Variants in PAX3 observed in about 807,000 individuals in gnomAD.
PAX3 encodes the protein paired box 3, also known as paired box protein Pax-3.
A neutral mutation model predicts 51.6 loss-of-function variants in PAX3; 14 were observed. That is an observed-to-expected ratio of 0.27 (90% CI 0.18 to 0.42). PAX3 has a LOEUF of 0.42. Among genes scored for constraint, PAX3 ranks in the 10% least tolerant of loss-of-function variants. PAX3 has a pLI of 1.00. For synonymous variants in PAX3, 280 were observed against 253.4 expected (o/e 1.11, Z -1.00); for missense variants, 540 against 642.8 (o/e 0.84, Z 1.73).
chr2:222,209,087 ATATATAC>A (rs1691619255), intron 7 of PAX3, among the ~76,000 whole-genome samples: 1 of 152,148 alleles, frequency 6.6e-6, no homozygotes, highest in South Asian at 2.1e-4. Flanking sequence ...ATGTTGGTCT[ATATATAC>A]TATATTCCCA....
intron 4 of PAX3, among the ~76,000 whole-genome samples, chr2:222,280,619 G>A (rs776384032): frequency 1.3e-5 from 2 of 152,108 alleles, no homozygotes; most frequent in African/African-American, 2.4e-5. Context: ...AAGATGAGAT[G>A]GTCATCCCAC....
intron 7 of PAX3, among the ~76,000 whole-genome samples, chr2:222,216,078 T>C (rs563348831): frequency 7.2e-5 from 11 of 152,250 alleles, no homozygotes; most frequent in African/African-American, 2.6e-4. Context: ...AGCCCACCAT[T>C]TGTGAAGCCA....
chr2:222,291,970 GTGTGTGT>G (rs1559314398), intron 4 of PAX3, among the ~76,000 whole-genome samples: 44 of 7,652 alleles, frequency 5.8e-3, no homozygotes, highest in African/African-American at 0.02. Context: ...AGCCTCCAAG[GTGTGTGT>G]GTGTGTGTGT....
At chr2:222,201,735 T>C in intron 8 of PAX3, 1 of 1,462,252 alleles carries the variant, frequency 6.8e-7, no homozygotes, top group South Asian at 1.5e-5. Context: ...TCTCAACAAT[T>C]AATAACCGCA....
At chr2:222,272,319 T>C (rs896633518) in intron 4 of PAX3, among the ~76,000 whole-genome samples, 2 of 152,160 alleles carry the variant, frequency 1.3e-5, no homozygotes, top group African/African-American at 2.4e-5. Flanking sequence ...TTCCCAAGCA[T>C]GGAGTAAGTG....
intron 4 of PAX3, among the ~76,000 whole-genome samples, chr2:222,250,944 T>C (rs1422220837): frequency 6.6e-6 from 1 of 152,132 alleles, no homozygotes; most frequent in Admixed American, 6.6e-5. Flanking sequence ...CCACTGCTCC[T>C]GGATTATAAA....
At chr2:222,255,655 T>C (rs573607309) in intron 4 of PAX3, among the ~76,000 whole-genome samples, 52 of 152,248 alleles carry the variant, frequency 3.4e-4, no homozygotes, top group Admixed American at 6.5e-4. Context: ...AGTACTGACC[T>C]ACCTAGATTT....
intron 4 of PAX3, among the ~76,000 whole-genome samples, chr2:222,254,060 A>G (rs956047906): frequency 6.6e-6 from 1 of 152,236 alleles, no homozygotes; most frequent in South Asian, 2.1e-4. Context: ...GCGCACATAA[A>G]AAGCTGAGCA....
rs781089913 is a variant in PAX3, at chr2:222,297,092, G to A, written c.207C>T (p.Pro69=). The A allele has an allele frequency of 6.2e-6, 10 of 1,614,008 alleles. No homozygotes were observed. In the Admixed American group the frequency reaches 1.5e-4, roughly 24 times the overall value. ...IVEMAHHGIR[P]CVISRQLRVS... ...CGCGCAGCTGGCGCGAGATGACGCAGGGCCGGATGCCGTGGTGGGCCATCT... is the reference window on the plus strand; with the variant it reads ...CGCGCAGCTGGCGCGAGATGACGCAAGGCCGGATGCCGTGGTGGGCCATCT... The change falls in exon 2 of 9, where the codon CCC becomes CCT. Residue 69 remains proline, a synonymous_variant. Coordinates refer to ENST00000392070, the MANE Select transcript of PAX3 (RefSeq NM_181458.4).
intron 4 of PAX3, among the ~76,000 whole-genome samples, chr2:222,249,374 T>A (rs1243419182): frequency 6.6e-6 from 1 of 152,182 alleles, no homozygotes; most frequent in South Asian, 2.1e-4. Context: ...TCAGACCCTT[T>A]CCTTGAGTAA....
chr2:222,293,201 C>T (rs964548346), intron 4 of PAX3, among the ~76,000 whole-genome samples: 10 of 152,178 alleles, frequency 6.6e-5, no homozygotes, highest in Non-Finnish European at 1.2e-4. Context: ...TGAGTGGGAC[C>T]CCTGGCCACT....
intron 1 of PAX3, 136 bp downstream of exon 1, chr2:222,298,395 G>C (rs1695420179): frequency 2.9e-6 from 2 of 689,394 alleles, no homozygotes; most frequent in Admixed American, 4.8e-5. Flanking sequence ...CCCCCGACTG[G>C]TGCTTCTTGG....
Position 222,201,301 on chromosome 2 carries a change from C to G in PAX3, c.*107G>C, listed in dbSNP as rs949088105. ...CTCCTATTGGGACCACTGCCCCACCCCCCCCAACAAAAGGGTAATTTTTTT... is the reference window on the plus strand; with the variant it reads ...CTCCTATTGGGACCACTGCCCCACCGCCCCCAACAAAAGGGTAATTTTTTT... On this transcript the variant is annotated 3_prime_UTR_variant, in exon 9 of 9. Transcript: ENST00000392070. The G allele has an allele frequency of 1.9e-6, 3 of 1,611,390 alleles. No individual in the cohort carries two copies. Among genetic ancestry groups the G allele is most frequent in the South Asian group, 2.2e-5 (2 of 90,980 alleles).
At chr2:222,240,726 G>C (rs867698753) in intron 4 of PAX3, among the ~76,000 whole-genome samples, 11 of 152,184 alleles carry the variant, frequency 7.2e-5, no homozygotes, top group African/African-American at 2.7e-4. Context: ...TTATTGGCTT[G>C]AGAACCCTAA....
At chr2:222,284,832 G>C (rs111226842) in intron 4 of PAX3, among the ~76,000 whole-genome samples, 3,453 of 152,312 alleles carry the variant, frequency 0.023, 53 homozygotes, top group Middle Eastern at 0.095. Flanking sequence ...CATTCTCACA[G>C]AATCCTGGAA....
chr2:222,271,462 G>T (rs559464530), intron 4 of PAX3, among the ~76,000 whole-genome samples: 90 of 152,276 alleles, frequency 5.9e-4, no homozygotes, highest in Middle Eastern at 6.8e-3. Context: ...TGATGATGAT[G>T]GTACTGGTGA....
chr2:222,242,892 T>C (rs955251799), intron 4 of PAX3, among the ~76,000 whole-genome samples: 6 of 152,214 alleles, frequency 3.9e-5, no homozygotes, highest in Non-Finnish European at 8.8e-5. Context: ...CAAAGTACTT[T>C]GCCTTCATCC....
chr2:222,251,010 T>C (rs10180903), intron 4 of PAX3, among the ~76,000 whole-genome samples: 18,536 of 152,262 alleles, frequency 0.12, 1,541 homozygotes, highest in Non-Finnish European at 0.18. Flanking sequence ...ACACTTCCAC[T>C]GTCCTCTAGA....
At chr2:222,202,252 A>G in intron 7 of PAX3, 62 bp from the exon 8 acceptor site, 1 of 1,217,916 alleles carries the variant, frequency 8.2e-7, no homozygotes, top group Non-Finnish European at 1.2e-6. Context: ...TGCAGCCTAC[A>G]GCTGAAAGAA....
Sources: gnomAD v4.1 joint callset for allele counts (sites outside exome capture counted in the v4.1 genomes callset) on GRCh38, gnomAD v4.1.1 for gene constraint, MANE v1.5 for transcripts, NCBI Gene and HGNC (gene_info 2026-07-23, HGNC 2026-07-21) for gene names.